The following GPHN variants were observed in gnomAD, a reference collection of about 807,000 sequenced individuals.
The protein encoded by GPHN is gephyrin.
GPHN carries 17 observed loss-of-function variants against 95.5 expected under a neutral mutation model. That is an observed-to-expected ratio of 0.18 (90% CI 0.12 to 0.27). The LOEUF (loss-of-function observed/expected upper bound fraction) is 0.27. GPHN is among the 10% of genes least tolerant of loss of function. The pLI, the probability that GPHN is intolerant of heterozygous loss-of-function variation, is 1.00. For synonymous variants in GPHN, 320 were observed against 322.5 expected (o/e 0.99, Z 0.08); for missense variants, 660 against 978.1 (o/e 0.67, Z 4.34).
At chr14:67,316,157 T>C in the GPHN span, among the ~76,000 whole-genome samples, 1 of 152,194 alleles carries the variant, frequency 6.6e-6, no homozygotes, top group Non-Finnish European at 1.5e-5. Context: ...TGAAGCCACT[T>C]GTATCCTATA....
intron 18 of GPHN, among the ~76,000 whole-genome samples, chr14:67,145,684 C>T (rs2080857527): frequency 6.6e-6 from 1 of 152,046 alleles, no homozygotes; most frequent in African/African-American, 2.4e-5. Context: ...ATTTAGGGTA[C>T]CTCCATAGTA....
chr14:67,668,409 A>G, the GPHN span, among the ~76,000 whole-genome samples: 3 of 152,232 alleles, frequency 2.0e-5, no homozygotes, highest in African/African-American at 7.2e-5. Flanking sequence ...AACAGGACAC[A>G]TTGTCTCTAG....
At chr14:66,515,863 T>C (rs1383598996) in intron 1 of GPHN, among the ~76,000 whole-genome samples, 1 of 152,240 alleles carries the variant, frequency 6.6e-6, no homozygotes, top group African/African-American at 2.4e-5. Context: ...AGCACTACTG[T>C]GAAAACATTA....
the GPHN span, among the ~76,000 whole-genome samples, chr14:67,435,203 G>A: frequency 5.3e-5 from 8 of 152,064 alleles, no homozygotes; most frequent in Admixed American, 4.6e-4. Flanking sequence ...CTGACCTCAG[G>A]TGATCCACCT....
chr14:67,240,264 G>A, the GPHN span, among the ~76,000 whole-genome samples: 1 of 152,178 alleles, frequency 6.6e-6, no homozygotes, highest in African/African-American at 2.4e-5. Flanking sequence ...GGCCATCACA[G>A]TGTCCTTAGT....
At chr14:66,583,160 T>G (rs1362759431) in intron 1 of GPHN, among the ~76,000 whole-genome samples, 1 of 152,116 alleles carries the variant, frequency 6.6e-6, no homozygotes, top group East Asian at 1.9e-4. Flanking sequence ...TTTTCATGTG[T>G]TTTTTGGCTG....
intron 10 of GPHN, among the ~76,000 whole-genome samples, chr14:67,026,478 C>A (rs1462869417): frequency 6.6e-6 from 1 of 152,122 alleles, no homozygotes; most frequent in Non-Finnish European, 1.5e-5. Flanking sequence ...TCCTCACACA[C>A]AACAACAAAT....
chr14:66,818,254 C>T (rs996276944), intron 3 of GPHN, among the ~76,000 whole-genome samples: 4 of 152,162 alleles, frequency 2.6e-5, no homozygotes, highest in African/African-American at 9.6e-5. Flanking sequence ...TGCTTCTCTC[C>T]CTCCTCTCAC....
chr14:67,432,678 T>C, the GPHN span, among the ~76,000 whole-genome samples: 3 of 152,158 alleles, frequency 2.0e-5, no homozygotes, highest in African/African-American at 7.2e-5. Flanking sequence ...TATTCTCTCA[T>C]GTTCAGGAGG....
At chr14:67,368,791 G>A in the GPHN span, among the ~76,000 whole-genome samples, 5 of 152,200 alleles carry the variant, frequency 3.3e-5, no homozygotes, top group East Asian at 9.6e-4. Context: ...GGGAGGCTGA[G>A]GTGGGAGAGT....
chr14:66,579,513 A>G (rs946026123), intron 1 of GPHN, among the ~76,000 whole-genome samples: 2 of 151,868 alleles, frequency 1.3e-5, no homozygotes, highest in Admixed American at 6.6e-5. Context: ...GAAATGGGAA[A>G]AGATAGTCTA....
At chr14:66,801,484 A>G (rs2153476808) in intron 3 of GPHN, among the ~76,000 whole-genome samples, 1 of 152,220 alleles carries the variant, frequency 6.6e-6, no homozygotes, top group South Asian at 2.1e-4. Flanking sequence ...AATTCTCTGG[A>G]TTATCAAGCA....
chr14:67,090,982 A>G (rs1271101404), intron 12 of GPHN, among the ~76,000 whole-genome samples: 1 of 151,788 alleles, frequency 6.6e-6, no homozygotes, highest in South Asian at 2.1e-4. Flanking sequence ...AAAAAAAAAA[A>G]CACTTGATAA....
At chr14:67,007,617 C>T (rs2072691084) in intron 9 of GPHN, among the ~76,000 whole-genome samples, 1 of 152,240 alleles carries the variant, frequency 6.6e-6, no homozygotes, top group Non-Finnish European at 1.5e-5. Context: ...GCCATTCTTA[C>T]TATTACAGGT....
the GPHN span, chr14:67,690,596 C>T: frequency 1.7e-6 from 1 of 605,996 alleles, no homozygotes; most frequent in South Asian, 2.0e-5. Context: ...ATAACAACAG[C>T]CAAAGACATG....
chr14:67,630,578 G>GTTTA, the GPHN span, among the ~76,000 whole-genome samples: 3 of 152,128 alleles, frequency 2.0e-5, no homozygotes, highest in Admixed American at 6.6e-5. Context: ...TAGTTTTTAT[G>GTTTA]TTTATTTATT....
At chr14:67,704,990 C>T in the GPHN span, among the ~76,000 whole-genome samples, 9 of 152,166 alleles carry the variant, frequency 5.9e-5, no homozygotes, top group African/African-American at 2.2e-4. Context: ...TCTAGGTAGT[C>T]CAGGGAGGTC....
intron 21 of GPHN, among the ~76,000 whole-genome samples, chr14:67,171,387 A>G (rs1378495471): frequency 1.3e-5 from 2 of 151,900 alleles, no homozygotes; most frequent in Admixed American, 6.6e-5. Flanking sequence ...AAAAAAAAAG[A>G]AAAAGAAAAA....
At chr14:67,374,450 C>G in the GPHN span, 3 of 1,547,408 alleles carry the variant, frequency 1.9e-6, no homozygotes, top group Non-Finnish European at 2.6e-6. Flanking sequence ...ATGATTTTTT[C>G]ACAATTTTTT....
Sources: gnomAD v4.1 joint callset for allele counts (sites outside exome capture counted in the v4.1 genomes callset) on GRCh38, gnomAD v4.1.1 for gene constraint, MANE v1.5 for transcripts, NCBI Gene and HGNC (gene_info 2026-07-23, HGNC 2026-07-21) for gene names.